CDK14: variants seen among roughly 807,000 people sequenced by gnomAD.
CDK14 encodes cyclin-dependent kinase 14.
CDK14 carries 34 observed loss-of-function variants against 60.7 expected under a neutral mutation model. That is an observed-to-expected ratio of 0.56 (90% CI 0.43 to 0.75). The LOEUF (loss-of-function observed/expected upper bound fraction) is 0.75. Among genes scored for constraint, CDK14 ranks in the 30% least tolerant of loss-of-function variants. The pLI is 0.00. For synonymous variants in CDK14, 197 were observed against 203.7 expected, an observed-to-expected ratio of 0.97 and a Z score of 0.28; for missense variants, 482 against 564.1, an observed-to-expected ratio of 0.85 and a Z score of 1.47.
In CDK14 at chr7:91,010,801, T is replaced by C. The variant is rs867643842; in HGVS notation, c.1041+26560T>C. ...CCTTCCTTCTTTCCCTCCTTCCTTC[T>C]TTCCTTCCTTCCTTCCTTCCTTCCT... On this transcript the variant is annotated intron_variant, in intron 10 of 14. Coordinates refer to ENST00000380050, the MANE Select transcript of CDK14 (RefSeq NM_001287135.2). Among the ~76,000 whole-genome samples the C allele has an allele frequency of 7.6e-3, 658 of 86,056 alleles. 8 individuals are homozygous for C. Among genetic ancestry groups the C allele is most frequent in the African/African-American group, 0.03 (583 of 19,696 alleles). 56.5% of individuals were successfully genotyped at this position (86,056 alleles called of 152,430 possible).
At chr7:91,075,586 C>T (rs568452026) in intron 11 of CDK14, among the ~76,000 whole-genome samples, 1 of 152,348 alleles carries the variant, frequency 6.6e-6, no homozygotes, top group South Asian at 2.1e-4. Context: ...CTCAACACTC[C>T]TATTCAACAT....
intron 14 of CDK14, among the ~76,000 whole-genome samples, chr7:91,181,728 TA>T (rs1395374628): frequency 6.6e-6 from 1 of 152,294 alleles, no homozygotes; most frequent in Admixed American, 6.5e-5. Flanking sequence ...TTATTGCAGT[TA>T]TTTTTTTGAC....
At chr7:90,736,534 G>C (rs1184875408) in intron 3 of CDK14, among the ~76,000 whole-genome samples, 1 of 151,676 alleles carries the variant, frequency 6.6e-6, no homozygotes, top group Non-Finnish European at 1.5e-5. Context: ...TTATAGACAC[G>C]GGTGTTATTT....
intron 2 of CDK14, among the ~76,000 whole-genome samples, chr7:90,697,850 C>T (rs756513272): frequency 1.3e-5 from 2 of 151,746 alleles, no homozygotes; most frequent in Non-Finnish European, 2.9e-5. Context: ...AGGTGGATCA[C>T]GAGGTCAGGA....
At chr7:90,648,007 G>T (rs1395441837) in intron 2 of CDK14, among the ~76,000 whole-genome samples, 1 of 152,076 alleles carries the variant, frequency 6.6e-6, no homozygotes, top group Admixed American at 6.6e-5. Context: ...GTCCTTTGAG[G>T]GTATGTTAGT....
At chr7:91,178,103 C>G (rs1178694365) in intron 14 of CDK14, among the ~76,000 whole-genome samples, 1 of 30,256 alleles carries the variant, frequency 3.3e-5, no homozygotes, top group Admixed American at 4.6e-4. Flanking sequence ...GTACTGGTAC[C>G]AAAACAGAGA....
At chr7:90,874,564 C>CAGGCCGGA (rs1791489759) in intron 6 of CDK14, among the ~76,000 whole-genome samples, 1 of 118,690 alleles carries the variant, frequency 8.4e-6, no homozygotes, top group African/African-American at 3.1e-5. Context: ...CTCTGTCGCC[C>CAGGCCGGA]AGGCCGGACT....
chr7:90,873,030 A>G (rs1290694412), intron 6 of CDK14, among the ~76,000 whole-genome samples: 2 of 152,202 alleles, frequency 1.3e-5, no homozygotes, highest in African/African-American at 2.4e-5. Context: ...AGAAAAGTAT[A>G]TATTTCTCAT....
chr7:91,203,472 T>C (rs1247580714), intron 14 of CDK14, among the ~76,000 whole-genome samples: 1 of 152,186 alleles, frequency 6.6e-6, no homozygotes, highest in Non-Finnish European at 1.5e-5. Context: ...TCACAGGAAG[T>C]GTCTTCACAC....
chr7:91,035,889 T>G (rs967570808), intron 10 of CDK14, among the ~76,000 whole-genome samples: 4 of 130,868 alleles, frequency 3.1e-5, no homozygotes, highest in African/African-American at 1.1e-4. Flanking sequence ...CAGGCCGGAC[T>G]GCGGACTGCA....
At chr7:90,863,392 G>A in intron 6 of CDK14, 123 bp downstream of exon 6, 1 of 524,620 alleles carries the variant, frequency 1.9e-6, no homozygotes, top group South Asian at 3.0e-5. Flanking sequence ...GAATACATGA[G>A]AATTATAATT....
chr7:91,148,397 A>T (rs1800722288), intron 14 of CDK14, among the ~76,000 whole-genome samples: 1 of 152,164 alleles, frequency 6.6e-6, no homozygotes, highest in Non-Finnish European at 1.5e-5. Context: ...TTGCAAATAG[A>T]TAATGATGTG....
intron 2 of CDK14, among the ~76,000 whole-genome samples, chr7:90,636,034 G>A (rs903015771): frequency 5.3e-5 from 8 of 150,958 alleles, no homozygotes; most frequent in Admixed American, 1.3e-4. Flanking sequence ...GAGATTTTGG[G>A]CTGAGACAAT....
At chr7:91,199,564 T>A (rs1474424996) in intron 14 of CDK14, among the ~76,000 whole-genome samples, 1 of 152,232 alleles carries the variant, frequency 6.6e-6, no homozygotes. Context: ...TAATTACACA[T>A]CATATAATGC....
intron 14 of CDK14, among the ~76,000 whole-genome samples, chr7:91,188,162 G>T (rs540083050): frequency 6.6e-6 from 1 of 152,102 alleles, no homozygotes; most frequent in South Asian, 2.1e-4. Context: ...TTCTTCTTCT[G>T]CATGGTTACT....
At chr7:90,927,240 G>T (rs1315856050) in intron 8 of CDK14, among the ~76,000 whole-genome samples, 2 of 152,080 alleles carry the variant, frequency 1.3e-5, no homozygotes, top group Non-Finnish European at 2.9e-5. Flanking sequence ...ATCATGCCTT[G>T]GTTCTTCTGG....
intron 3 of CDK14, among the ~76,000 whole-genome samples, chr7:90,747,371 G>C (rs1490291298): frequency 6.6e-6 from 1 of 152,118 alleles, no homozygotes; most frequent in Non-Finnish European, 1.5e-5. Flanking sequence ...AGTAGATATA[G>C]TGCAATTTCA....
intron 14 of CDK14, among the ~76,000 whole-genome samples, chr7:91,180,550 G>A (rs754967577): frequency 3.2e-4 from 49 of 152,220 alleles, no homozygotes; most frequent in Non-Finnish European, 4.9e-4. Flanking sequence ...GTAGGATTAC[G>A]GGCGAGCAGA....
At chr7:90,743,954 T>C (rs561429611) in intron 3 of CDK14, among the ~76,000 whole-genome samples, 1 of 152,264 alleles carries the variant, frequency 6.6e-6, no homozygotes, top group African/African-American at 2.4e-5. Flanking sequence ...TAGGGGAAGT[T>C]GATTCGTGTA....
Sources: allele counts gnomAD v4.1 joint callset (sites outside exome capture counted in the v4.1 genomes callset), GRCh38; gene constraint gnomAD v4.1.1; transcripts MANE v1.5; gene names NCBI Gene and HGNC (gene_info 2026-07-23, HGNC 2026-07-21).